PHF20: variants seen among roughly 807,000 people sequenced by gnomAD.
The protein encoded by PHF20 is glioma-expressed antigen 2.
Under a neutral mutation model 113.5 loss-of-function variants are expected in PHF20, and 23 were observed. The ratio of observed to expected loss-of-function variants is 0.20; its 90% CI spans 0.15 to 0.29. PHF20 has a LOEUF of 0.29. Ranked by LOEUF, PHF20 falls within the 10% of genes least tolerant of loss-of-function variation. The pLI is 1.00. For missense variants in PHF20, 943 were observed against 1,219.6 expected, an observed-to-expected ratio of 0.77 and a Z score of 3.38; for synonymous variants, 434 against 457.3, an observed-to-expected ratio of 0.95 and a Z score of 0.65.
chr20:35,895,877 G>T (rs1406291473), intron 9 of PHF20, among the ~76,000 whole-genome samples: 2 of 151,596 alleles, frequency 1.3e-5, no homozygotes, highest in African/African-American at 4.9e-5. Flanking sequence ...AGTGGAAATG[G>T]GGTTTCACCA....
At position 35,949,203 on chromosome 20, in the gene PHF20, G is replaced by A. The variant is rs1397054632; in HGVS notation, c.*1576G>A. 6.6e-6 allele frequency: 1 copy of A among 152,498 alleles called. No individual in the cohort carries two copies. The highest frequency in any genetic ancestry group is 1.9e-4 in the East Asian group (1 of 5,202). The allele number at this position is 152,498 out of a possible 1,614,324, so 9.4% of individuals were successfully genotyped here. On this transcript the variant is annotated 3_prime_UTR_variant, in exon 18 of 18. Transcript: ENST00000374012. ...ACAAAACGACGATTCCTCTACAAGA[G>A]GCTGTTTCTCACTGCTAACGTTGGT...
intron 2 of PHF20, among the ~76,000 whole-genome samples, chr20:35,819,428 C>T (rs953082091): frequency 3.3e-5 from 5 of 152,120 alleles, no homozygotes; most frequent in Non-Finnish European, 2.9e-5. Flanking sequence ...CCAAACACAA[C>T]GAAAAAGCTC....
intron 1 of PHF20, among the ~76,000 whole-genome samples, chr20:35,782,022 G>A (rs183310497): frequency 4.0e-4 from 61 of 152,038 alleles, no homozygotes; most frequent in African/African-American, 1.5e-3. Context: ...CCCAGCCCCA[G>A]CAGCTACCAT....
chr20:35,896,260 A>T (rs1203998378), intron 9 of PHF20, among the ~76,000 whole-genome samples: 1 of 152,148 alleles, frequency 6.6e-6, no homozygotes, highest in Non-Finnish European at 1.5e-5. Context: ...AAAAGTAATC[A>T]TAATACTTAC....
At chr20:35,859,816 A>G (rs1307732401) in intron 5 of PHF20, among the ~76,000 whole-genome samples, 1 of 152,142 alleles carries the variant, frequency 6.6e-6, no homozygotes, top group Non-Finnish European at 1.5e-5. Context: ...AAATGCTAGG[A>G]TTACAGGCAT....
rs137988688 is a variant in PHF20 at position 35,841,926 on chromosome 20, G to A, written c.84-647G>A. Among the ~76,000 whole-genome samples, 456 of 152,240 alleles carry A rather than the reference G, an allele frequency of 3.0e-3. 2 individuals are homozygous for A. The highest frequency in any genetic ancestry group is 6.8e-3 in the Middle Eastern group (2 of 294). Reference sequence around the variant, plus strand: ...CTAATCTAGTTGTTAAATCCTTAATGTTTTCTTCCTGCCTCTTGTGTGCTC... The same window carrying A: ...CTAATCTAGTTGTTAAATCCTTAATATTTTCTTCCTGCCTCTTGTGTGCTC... On this transcript the variant is annotated intron_variant, in intron 2 of 17. Transcript: ENST00000374012.
chr20:35,793,142 A>G (rs747795723), intron 1 of PHF20, among the ~76,000 whole-genome samples: 2 of 152,026 alleles, frequency 1.3e-5, no homozygotes, highest in Admixed American at 6.6e-5. Context: ...GGAAGTCTCA[A>G]CCTTCTAGGT....
At chr20:35,919,091 C>CTG in intron 13 of PHF20, among the ~76,000 whole-genome samples, 1 of 151,962 alleles carries the variant, frequency 6.6e-6, no homozygotes, top group South Asian at 2.1e-4. Flanking sequence ...TTTCGGCTCA[C>CTG]CACCACCCTC....
At chr20:35,899,750 C>T in intron 10 of PHF20, 102 bp downstream of exon 10, 1 of 1,229,996 alleles carries the variant, frequency 8.1e-7, no homozygotes, top group East Asian at 2.4e-5. Flanking sequence ...TTGTCTGTTC[C>T]AGTTGAATCC....
chr20:35,940,050 C>T (rs569520830), intron 16 of PHF20, among the ~76,000 whole-genome samples: 11 of 152,186 alleles, frequency 7.2e-5, no homozygotes, highest in Non-Finnish European at 1.5e-4. Flanking sequence ...CCTGTTTTCT[C>T]GCCTGTAGAA....
chr20:35,779,588 C>T (rs866881158), intron 1 of PHF20, among the ~76,000 whole-genome samples: 6 of 151,586 alleles, frequency 4.0e-5, no homozygotes, highest in South Asian at 2.1e-4. Flanking sequence ...GGTGCAACCT[C>T]GGCACACTGC....
chr20:35,797,679 T>C (rs572123898), intron 1 of PHF20, among the ~76,000 whole-genome samples: 28 of 147,700 alleles, frequency 1.9e-4, no homozygotes, highest in Admixed American at 1.8e-3. Flanking sequence ...TGAGATGGAA[T>C]CTTGCTCTGT....
intron 9 of PHF20, among the ~76,000 whole-genome samples, chr20:35,873,728 T>C (rs1242119314): frequency 6.6e-6 from 1 of 152,022 alleles, no homozygotes; most frequent in Non-Finnish European, 1.5e-5. Context: ...TTGTTTCTTG[T>C]TTTTTAGGTT....
Position 35,848,761 on chromosome 20 carries a change from G to A in PHF20, c.340+1327G>A, listed in dbSNP as rs2042667282. ...AGTCCTAGCTACTCGCATGGCTGAG[G>A]TGGGAAGATCCCTTGAGCCCAGGAG... On this transcript the variant is annotated intron_variant, in intron 4 of 17. Coordinates refer to ENST00000374012, the MANE Select transcript of PHF20 (RefSeq NM_016436.5). Among the ~76,000 whole-genome samples, 3 of 151,842 alleles carry A rather than the reference G, an allele frequency of 2.0e-5. No individual in the cohort carries two copies. The South Asian group carries it at 6.3e-4, about 32-fold the overall frequency.
intron 5 of PHF20, 142 bp downstream of exon 5, chr20:35,858,523 A>G: frequency 3.7e-6 from 2 of 546,126 alleles, no homozygotes. Context: ...AAAATAATAC[A>G]CAAGTTTTCA....
intron 2 of PHF20, among the ~76,000 whole-genome samples, chr20:35,804,564 G>T (rs1270767485): frequency 6.6e-6 from 1 of 152,018 alleles, no homozygotes; most frequent in Middle Eastern, 3.2e-3. Context: ...TAGAGATGGG[G>T]TTTCGCCATT....
At chr20:35,934,744 G>T (rs1185559109) in intron 15 of PHF20, among the ~76,000 whole-genome samples, 2 of 148,054 alleles carry the variant, frequency 1.4e-5, no homozygotes, top group Non-Finnish European at 3.0e-5. Flanking sequence ...TGGGGGTGGG[G>T]ATAAAAGGAG....
chr20:35,790,946 C>T (rs1042332115), intron 1 of PHF20, among the ~76,000 whole-genome samples: 2 of 152,114 alleles, frequency 1.3e-5, no homozygotes, highest in Admixed American at 1.3e-4. Context: ...GCAACCTCCA[C>T]CTCCTGGGTT....
intron 1 of PHF20, among the ~76,000 whole-genome samples, chr20:35,783,763 C>T (rs2041350385): frequency 6.6e-6 from 1 of 151,876 alleles, no homozygotes; most frequent in Non-Finnish European, 1.5e-5. Context: ...GGGCGGATCA[C>T]CTGAGGTCAG....
Sources: gnomAD v4.1 joint callset for allele counts (sites outside exome capture counted in the v4.1 genomes callset) on GRCh38, gnomAD v4.1.1 for gene constraint, MANE v1.5 for transcripts, NCBI Gene and HGNC (gene_info 2026-07-23, HGNC 2026-07-21) for gene names.